The following ASXL2 variants were observed in gnomAD, a reference collection of about 807,000 sequenced individuals.
ASXL2 encodes putative Polycomb group protein ASXL2.
ASXL2 carries 23 observed loss-of-function variants against 122.0 expected under a neutral mutation model. That is an observed-to-expected ratio of 0.19 (90% confidence interval 0.14 to 0.27). The LOEUF (loss-of-function observed/expected upper bound fraction) is 0.27, where lower values mean the gene tolerates loss of function less well. Ranked by LOEUF, ASXL2 falls within the 10% of genes least tolerant of loss-of-function variation. The probability of loss-of-function intolerance (pLI) is 1.00; values close to 1 mark genes in which losing one functional copy is unlikely to be tolerated. For missense variants in ASXL2, 1,518 were observed against 1,713.8 expected, an observed-to-expected ratio of 0.89 and a Z score of 2.02; for synonymous variants, 650 against 637.0, an observed-to-expected ratio of 1.02 and a Z score of -0.31.
Position 25,798,760 on chromosome 2 carries a change from G to A in ASXL2, c.403+625C>T, listed in dbSNP as rs145018524. ...GCCAGGGCCACAAGAGTGGAACTCC[G>A]TCTCAAAAAAAAGTCAGTGGTTGTC... On this transcript the variant is annotated intron_variant, in intron 5 of 12. Transcript: ENST00000435504. 2.4e-3 allele frequency among the ~76,000 whole-genome samples: 369 copies of A among 152,198 alleles called. 2 individuals are homozygous for A. The highest frequency in any genetic ancestry group is 8.3e-3 in the African/African-American group (346 of 41,526).
At chr2:25,753,399 C>CAAA (rs568924441) in intron 11 of ASXL2, 135 bp downstream of exon 11, 35 of 442,774 alleles carry the variant, frequency 7.9e-5, no homozygotes, top group African/African-American at 5.4e-4. Flanking sequence ...ATCAGTGAGA[C>CAAA]AAAAAAAAAA....
intron 7 of ASXL2, 119 bp from the exon 8 acceptor site, chr2:25,767,845 A>C: frequency 8.7e-7 from 1 of 1,150,098 alleles, no homozygotes; most frequent in African/African-American, 1.6e-5. Context: ...ACCCTCCCTA[A>C]TGTGTTTTGA....
At chr2:25,859,320 T>C (rs2089818852) in intron 1 of ASXL2, among the ~76,000 whole-genome samples, 1 of 152,180 alleles carries the variant, frequency 6.6e-6, no homozygotes, top group Non-Finnish European at 1.5e-5. Context: ...TTTCTAACCA[T>C]TTAAGGCAAT....
chr2:25,860,779 G>A (rs189741661), intron 1 of ASXL2, among the ~76,000 whole-genome samples: 41 of 150,790 alleles, frequency 2.7e-4, no homozygotes, highest in African/African-American at 9.0e-4. Flanking sequence ...TTCGGAGGCC[G>A]AGGCTGGTGA....
At chr2:25,774,554 G>C (rs2088515571) in intron 5 of ASXL2, among the ~76,000 whole-genome samples, 1 of 152,012 alleles carries the variant, frequency 6.6e-6, no homozygotes. Flanking sequence ...TTTCCATGTT[G>C]TGAATCATTT....
intron 8 of ASXL2, among the ~76,000 whole-genome samples, chr2:25,762,841 T>C (rs976008743): frequency 6.6e-5 from 10 of 152,008 alleles, no homozygotes; most frequent in Non-Finnish European, 1.5e-4. Context: ...AAATTTCAGC[T>C]AGTTATATGC....
rs72064660 is a variant in ASXL2 at position 25,828,520 on chromosome 2, AT to A, written c.143+7017del. Among the ~76,000 whole-genome samples the A allele has an allele frequency of 1.2e-3, 157 of 133,330 alleles. 7 individuals carry two copies. The highest frequency in any genetic ancestry group is 4.0e-3 in the African/African-American group (145 of 36,006). 87.5% of individuals were successfully genotyped at this position (133,330 alleles called of 152,430 possible). The stretch of plus-strand genomic sequence containing the variant: ...CAAAACTCCATTTCAAAAAAAAAAA[AT>A]AAAAAGAAAAGATCCTTGTCCAGGC... On this transcript the variant is annotated intron_variant, in intron 3 of 12. Transcript: ENST00000435504.
intron 3 of ASXL2, chr2:25,822,885 G>T (rs1158805402): frequency 1.8e-6 from 1 of 548,190 alleles, no homozygotes; most frequent in African/African-American, 1.9e-5. Context: ...AGATTGACCA[G>T]AAGTAGATGG....
chr2:25,752,931 A>C (rs2149142518), intron 11 of ASXL2, among the ~76,000 whole-genome samples: 1 of 151,840 alleles, frequency 6.6e-6, no homozygotes, highest in South Asian at 2.1e-4. Flanking sequence ...CAATCTTTTC[A>C]AAGAAAGGGA....
At chr2:25,811,628 C>T (rs1216398745) in intron 3 of ASXL2, among the ~76,000 whole-genome samples, 1 of 151,826 alleles carries the variant, frequency 6.6e-6, no homozygotes, top group Non-Finnish European at 1.5e-5. Flanking sequence ...TATAAAAAGG[C>T]AAATTAAATC....
chr2:25,779,287 G>A (rs975681931), intron 5 of ASXL2, among the ~76,000 whole-genome samples: 2 of 151,746 alleles, frequency 1.3e-5, no homozygotes, highest in African/African-American at 2.4e-5. Context: ...TAGTAGAGAC[G>A]AGGTTTTGCC....
intron 1 of ASXL2, among the ~76,000 whole-genome samples, chr2:25,860,131 G>C (rs772760393): frequency 2.0e-5 from 3 of 151,856 alleles, no homozygotes; most frequent in Admixed American, 6.6e-5. Context: ...GACCAACATG[G>C]AGAAACCCCA....
chr2:25,809,712 CCT>C (rs2089137296), intron 3 of ASXL2, among the ~76,000 whole-genome samples: 1 of 152,128 alleles, frequency 6.6e-6, no homozygotes, highest in East Asian at 1.9e-4. Context: ...GTTCACATTC[CCT>C]TAAGTGTTGT....
At chr2:25,832,126 AAAAAC>A (rs2089461137) in intron 3 of ASXL2, among the ~76,000 whole-genome samples, 1 of 152,220 alleles carries the variant, frequency 6.6e-6, no homozygotes, top group Non-Finnish European at 1.5e-5. Context: ...ACCAGGAAGA[AAAAAC>A]AGAAAGAACA....
chr2:25,833,393 T>C (rs1211944022), intron 3 of ASXL2, among the ~76,000 whole-genome samples: 2 of 152,186 alleles, frequency 1.3e-5, no homozygotes, highest in African/African-American at 4.8e-5. Context: ...CCTCTTCTTC[T>C]GCAAAGAATG....
chr2:25,735,871 C>T lies in ASXL2; in HGVS notation c.*6158G>A, dbSNP rs1458345731. On this transcript the variant is annotated 3_prime_UTR_variant, in exon 13 of 13. Transcript: ENST00000435504. ...TTCTTTCTTCATGTATTTGCCACTA[C>T]TGTGTCCAGTGTCTCAAACACTTCC... 6.6e-6 allele frequency: 1 copy of T among 152,160 alleles called. No individual in the cohort carries two copies. The allele number at this position is 152,160 out of a possible 1,614,324, so 9.4% of individuals were successfully genotyped here. A position where few individuals can be genotyped will look rare whatever the true frequency, so the allele number is the denominator to read the frequency against.
At chr2:25,869,375 A>T (rs2089941335) in intron 1 of ASXL2, among the ~76,000 whole-genome samples, 1 of 151,982 alleles carries the variant, frequency 6.6e-6, no homozygotes, top group Non-Finnish European at 1.5e-5. Flanking sequence ...CTCCAATTTT[A>T]AAAAGGTACA....
intron 1 of ASXL2, among the ~76,000 whole-genome samples, chr2:25,845,843 T>C (rs2089642379): frequency 6.6e-6 from 1 of 152,142 alleles, no homozygotes; most frequent in African/African-American, 2.4e-5. Context: ...AAGTAAACAA[T>C]ATGATTATAA....
At chr2:25,794,141 A>ATAAACCT (rs1175551023) in intron 5 of ASXL2, among the ~76,000 whole-genome samples, 29 of 152,242 alleles carry the variant, frequency 1.9e-4, no homozygotes, top group South Asian at 4.1e-4. Flanking sequence ...AAATAACTCC[A>ATAAACCT]GACACAATAT....
Sources: allele counts gnomAD v4.1 joint callset (sites outside exome capture counted in the v4.1 genomes callset), GRCh38; gene constraint gnomAD v4.1.1; transcripts MANE v1.5; gene names NCBI Gene and HGNC (gene_info 2026-07-23, HGNC 2026-07-21).